The following NBAS variants were observed in gnomAD, a reference collection of about 807,000 sequenced individuals.
NBAS encodes the protein NBAS subunit of NRZ tethering complex.
A neutral mutation model predicts 302.5 loss-of-function variants in NBAS; 219 were observed. That is an observed-to-expected ratio of 0.72 (90% CI 0.65 to 0.81). NBAS has a LOEUF of 0.81. Among genes scored for constraint, NBAS ranks in the 30% least tolerant of loss-of-function variants. The pLI, the probability that NBAS is intolerant of heterozygous loss-of-function variation, is 0.00. For synonymous variants in NBAS, 1,118 were observed against 1,021.6 expected, an observed-to-expected ratio of 1.09 and a Z score of -1.80; for missense variants, 2,932 against 2,841.6, an observed-to-expected ratio of 1.03 and a Z score of -0.72.
the NBAS span, among the ~76,000 whole-genome samples, chr2:15,104,975 T>C: frequency 6.6e-6 from 1 of 152,050 alleles, no homozygotes; most frequent in African/African-American, 2.4e-5. Flanking sequence ...ATTGCAGCAC[T>C]ATCCACAATA....
the NBAS span, among the ~76,000 whole-genome samples, chr2:15,068,637 A>G: frequency 6.6e-6 from 1 of 152,338 alleles, no homozygotes; most frequent in Non-Finnish European, 1.5e-5. Context: ...TAGCAGCAGT[A>G]GTTAATAGGG....
the NBAS span, among the ~76,000 whole-genome samples, chr2:15,129,830 AC>A: frequency 6.6e-6 from 1 of 152,190 alleles, no homozygotes; most frequent in Admixed American, 6.5e-5. Flanking sequence ...GTATTGCTTC[AC>A]GCACGGAGAC....
the NBAS span, among the ~76,000 whole-genome samples, chr2:14,904,114 C>G: frequency 1.3e-5 from 2 of 152,202 alleles, no homozygotes; most frequent in African/African-American, 4.8e-5. Context: ...ACCACCAGCT[C>G]TAAGAGGGCA....
the NBAS span, among the ~76,000 whole-genome samples, chr2:15,008,783 G>A: frequency 6.6e-6 from 1 of 152,106 alleles, no homozygotes; most frequent in Non-Finnish European, 1.5e-5. Flanking sequence ...GCCAGATTGG[G>A]TATTTAAATC....
chr2:15,553,827 T>TCC (rs1664504246), intron 4 of NBAS, among the ~76,000 whole-genome samples: 1 of 130,910 alleles, frequency 7.6e-6, no homozygotes, highest in African/African-American at 2.8e-5. Context: ...TCTCCCTCTC[T>TCC]CTCTCCCTCT....
At chr2:15,148,734 T>C in the NBAS span, among the ~76,000 whole-genome samples, 1 of 152,232 alleles carries the variant, frequency 6.6e-6, no homozygotes, top group African/African-American at 2.4e-5. Context: ...AGTACACTGA[T>C]GCAAAACTAG....
At chr2:14,980,651 A>G in the NBAS span, among the ~76,000 whole-genome samples, 4 of 151,272 alleles carry the variant, frequency 2.6e-5, no homozygotes, top group Non-Finnish European at 1.5e-5. Flanking sequence ...ACTGGTTAAC[A>G]CTAAATGTGA....
chr2:15,330,810 T>A (rs1445749133), intron 35 of NBAS, 45 bp from the exon 36 acceptor site: 5 of 1,594,124 alleles, frequency 3.1e-6, no homozygotes, highest in Non-Finnish European at 4.3e-6. Context: ...TGCATTACCA[T>A]AAGAACAGAG....
chr2:14,964,146 A>T, the NBAS span, among the ~76,000 whole-genome samples: 5 of 152,234 alleles, frequency 3.3e-5, no homozygotes, highest in African/African-American at 7.2e-5. Context: ...TCCAATCAAA[A>T]GCTACCAGGC....
intron 18 of NBAS, 112 bp downstream of exon 18, chr2:15,467,552 A>T (rs549922973): frequency 5.6e-5 from 73 of 1,302,918 alleles, no homozygotes; most frequent in Non-Finnish European, 6.4e-5. Context: ...TAGTAAGTAC[A>T]TTTGATCTAA....
Position 15,522,488 on chromosome 2 carries a change from G to A in NBAS, c.747-11138C>T, listed in dbSNP as rs116221675. ...ACTTGTGAGCTATCCAGGAAAAGAT[G>A]TTCAGTAAGCGAGTGAATAAATAGC... On this transcript the variant is annotated intron_variant, in intron 9 of 51. Coordinates refer to ENST00000281513, the MANE Select transcript of NBAS (RefSeq NM_015909.4). Among the ~76,000 whole-genome samples the A allele has an allele frequency of 3.1e-3, 467 of 152,298 alleles. 1 individual carries two copies. The highest frequency in any genetic ancestry group is 0.01 in the African/African-American group (433 of 41,576).
rs778936755 is a variant in NBAS at position 15,353,546 on chromosome 2, G to A, written c.4089+7C>T. On this transcript the variant is annotated splice_region_variant and intron_variant, in intron 34 of 51. Coordinates refer to ENST00000281513, the MANE Select transcript of NBAS (RefSeq NM_015909.4). ...CAGGTTAGGATTTCCTTTATCGAAG[G>A]ACTTACTTCTGTCTGCAGAGAGCTG... 3.7e-6 allele frequency: 6 copies of A among 1,613,872 alleles called. No individual in the cohort carries two copies. In the South Asian group the frequency reaches 4.4e-5, roughly 12 times the overall value.
intron 21 of NBAS, among the ~76,000 whole-genome samples, chr2:15,448,160 A>T (rs1678840264): frequency 6.6e-6 from 1 of 152,212 alleles, no homozygotes; most frequent in South Asian, 2.1e-4. Flanking sequence ...GTCGAACTAC[A>T]GCAATTTCCT....
chr2:15,178,773 A>G (rs894099561), intron 51 of NBAS, among the ~76,000 whole-genome samples: 1 of 152,158 alleles, frequency 6.6e-6, no homozygotes, highest in African/African-American at 2.4e-5. Context: ...CACCAAAAAC[A>G]CTGAATCTGG....
intron 36 of NBAS, 142 bp from the exon 37 acceptor site, chr2:15,328,454 C>T (rs1672177762): frequency 2.8e-6 from 2 of 715,734 alleles, no homozygotes; most frequent in African/African-American, 1.8e-5. Flanking sequence ...TGCTGCATTT[C>T]CCACGACCTA....
chr2:14,986,676 A>T, the NBAS span, among the ~76,000 whole-genome samples: 1 of 152,140 alleles, frequency 6.6e-6, no homozygotes, highest in Non-Finnish European at 1.5e-5. Context: ...CTTGAAGTTT[A>T]TTTACTTGAA....
rs374972400 is a variant in NBAS at position 15,474,219 on chromosome 2, C to G, written c.1447G>C (p.Ala483Pro). ...SDSDYEISAK[A>P]RYFGYIKQGL... ...TGTTTTATATAACCAAAGTAGCGAG[C>G]CTTGGCAGATATTTCATAATCAGAA... Residue 483 changes from alanine (A) to proline (P), a missense_variant, in exon 15 of 52, where the codon GCT becomes CCT. By Grantham distance (27) the Ala-to-Pro change is conservative. Transcript: ENST00000281513. The G allele has an allele frequency of 1.6e-5, 26 of 1,613,906 alleles. 1 individual carries two copies. The highest frequency in any genetic ancestry group is 1.1e-4 in the African/African-American group (8 of 74,888).
At chr2:15,211,572 C>T (rs1044437362) in intron 48 of NBAS, among the ~76,000 whole-genome samples, 1 of 152,186 alleles carries the variant, frequency 6.6e-6, no homozygotes, top group Non-Finnish European at 1.5e-5. Flanking sequence ...TTTTTCGTGA[C>T]AATTTTTTTT....
At position 15,396,485 on chromosome 2, in the gene NBAS, TAAA is replaced by T; in HGVS notation, c.3072-13_3072-11del. 2 of 1,548,034 alleles carry T rather than the reference TAAA, an allele frequency of 1.3e-6. No homozygotes were observed. The highest frequency in any genetic ancestry group is 2.5e-5 in the South Asian group (2 of 78,630). ...TGCCTCTGTCTTATCACTAATAAAT[TAAA>T]AGAAGAAAAAAAAAAGCCCTTAAGT... On this transcript the variant is annotated splice_polypyrimidine_tract_variant and intron_variant, in intron 26 of 51. Transcript: ENST00000281513.
Sources: gnomAD v4.1 joint callset for allele counts (sites outside exome capture counted in the v4.1 genomes callset) on GRCh38, gnomAD v4.1.1 for gene constraint, MANE v1.5 for transcripts, NCBI Gene and HGNC (gene_info 2026-07-23, HGNC 2026-07-21) for gene names.